PTPRS: variants seen among roughly 807,000 people sequenced by gnomAD.
The protein encoded by PTPRS is protein tyrosine phosphatase receptor type S, also known as receptor-type tyrosine-protein phosphatase S.
A neutral mutation model predicts 215.3 loss-of-function variants in PTPRS; 63 were observed. The ratio of observed to expected loss-of-function variants is 0.29; its 90% CI spans 0.24 to 0.36. PTPRS has a LOEUF of 0.36. PTPRS is among the 10% of genes least tolerant of loss of function. The pLI is 1.00. For missense variants in PTPRS, 2,258 were observed against 2,825.8 expected (o/e 0.80, Z 4.56); for synonymous variants, 1,404 against 1,191.4 (o/e 1.18, Z -3.68).
At position 5,210,776 on chromosome 19, in the gene PTPRS, C is replaced by A; in HGVS notation, c.5264G>T (p.Gly1755Val). Residue 1755 changes from glycine to valine, a missense_variant, in exon 34 of 38, where the codon GGG becomes GTG. By Grantham distance (109) the Gly-to-Val change is moderately radical (BLOSUM62 -3). Transcript: ENST00000262963. This position sits in a 1 kb window ranked among gnomAD's most constrained non-coding sequence, Gnocchi z 4.5. ...GTCTTCCGTGGTCTCCGCCAGCGGC[C>A]CCTGTGTCGCGATGTAGGCCTTCTG... ...RQQKAYIATQGPLAETTEDFW... is the reference protein window; with the variant it reads ...RQQKAYIATQVPLAETTEDFW... The A allele has an allele frequency of 1.2e-6, 2 of 1,614,058 alleles. No individual in the cohort carries two copies. The highest frequency in any genetic ancestry group is 1.7e-6 in the Non-Finnish European group (2 of 1,180,040).
Position 5,285,902 on chromosome 19 carries a change from A to G in PTPRS, c.91+148T>C. 3 of 631,610 alleles carry G rather than the reference A, an allele frequency of 4.7e-6. 1 individual carries two copies. In the South Asian group the frequency reaches 5.9e-5, roughly 12 times the overall value. The allele number at this position is 631,610 out of a possible 1,614,324, so 39.1% of individuals were successfully genotyped here. On this transcript the variant is annotated intron_variant, in intron 2 of 37. Coordinates refer to ENST00000262963, the MANE Select transcript of PTPRS (RefSeq NM_002850.4). ...GCTCAGCACACAGTCCTCAGCATTCAGCCTCATTTGTGGAGCATAAAAGTT... is the reference window on the plus strand; with the variant it reads ...GCTCAGCACACAGTCCTCAGCATTCGGCCTCATTTGTGGAGCATAAAAGTT...
Position 5,231,458 on chromosome 19 carries a change from C to T in PTPRS, c.2007G>A (p.Lys669=), listed in dbSNP as rs756988713. Reference sequence around the variant, plus strand: ...TGGTCGGGGGGATGCCGTTCACCTCCTTGGGTTCCGGGTCCTCTGAGCCCA... The same window carrying T: ...TGGTCGGGGGGATGCCGTTCACCTCTTTGGGTTCCGGGTCCTCTGAGCCCA... ...RPLGSEDPEP[K]EVNGIPPTTT... is the part of the protein sequence containing the mutation. The change falls in exon 14 of 38, where the codon AAG becomes AAA. Residue 669 remains lysine (K), a synonymous_variant. Coordinates refer to ENST00000262963, the MANE Select transcript of PTPRS (RefSeq NM_002850.4). 8 of 1,612,750 alleles carry T rather than the reference C, an allele frequency of 5.0e-6. No homozygotes were observed. The East Asian group carries it at 8.9e-5, about 18-fold the overall frequency.
Position 5,338,382 on chromosome 19 carries a change from G to C in PTPRS, c.-95+2282C>G, listed in dbSNP as rs1206311921. Among the ~76,000 whole-genome samples the C allele has an allele frequency of 6.6e-6, 1 of 151,918 alleles. No homozygotes were observed. The highest frequency in any genetic ancestry group is 2.4e-5 in the African/African-American group (1 of 41,318). ...CCTAGCCCCCATGCAGAAGTGCACC[G>C]TCATGATGAGGGTGTCCCCCGGGCC... On this transcript the variant is annotated intron_variant, in intron 1 of 37. Transcript: ENST00000262963. The surrounding 1 kb of genome is among the most constrained non-coding windows in gnomAD (Gnocchi z 4.2).
Position 5,295,256 on chromosome 19 carries a change from T to G in PTPRS, c.-94-9022A>C, listed in dbSNP as rs2049101410. On this transcript the variant is annotated intron_variant, in intron 1 of 37. Transcript: ENST00000262963. This position sits in a 1 kb window ranked among gnomAD's most constrained non-coding sequence, Gnocchi z 4.6. Reference sequence around the variant, plus strand: ...CACTGTCAGGAGGCTTGGGGCTGCATGACCTGCAGCATACAGGCCTGGCTC... The same window carrying G: ...CACTGTCAGGAGGCTTGGGGCTGCAGGACCTGCAGCATACAGGCCTGGCTC... 1.3e-5 allele frequency among the ~76,000 whole-genome samples: 2 copies of G among 152,224 alleles called. No homozygotes were observed. The highest frequency in any genetic ancestry group is 2.9e-5 in the Non-Finnish European group (2 of 68,036).
At chr19:5,270,920 C>T (rs11085120) in intron 4 of PTPRS, among the ~76,000 whole-genome samples, 64,100 of 152,096 alleles carry the variant, frequency 0.42, 13,806 homozygotes, top group East Asian at 0.68. Flanking sequence ...GCTGGGATTA[C>T]AGGCCAAAGC....
intron 9 of PTPRS, among the ~76,000 whole-genome samples, chr19:5,248,369 C>A (rs2044697436): frequency 6.6e-6 from 1 of 150,822 alleles, no homozygotes; most frequent in Admixed American, 6.6e-5. Flanking sequence ...AAACAAAACA[C>A]AACACCCAAA....
chr19:5,206,678 G>A lies in PTPRS; in HGVS notation c.*96C>T, dbSNP rs918228851. Reference sequence around the variant, plus strand: ...ACAGCTGCTGCCGCTGCCACCTCCTGCCCTGCCCACTGGGGGTCCAGGCCT... The same window carrying A: ...ACAGCTGCTGCCGCTGCCACCTCCTACCCTGCCCACTGGGGGTCCAGGCCT... On this transcript the variant is annotated 3_prime_UTR_variant, in exon 38 of 38. Transcript: ENST00000262963. The A allele has an allele frequency of 1.8e-6, 2 of 1,088,162 alleles. No individual in the cohort carries two copies. The highest frequency in any genetic ancestry group is 2.8e-6 in the Non-Finnish European group (2 of 717,038). The allele number at this position is 1,088,162 out of a possible 1,614,324, so 67.4% of individuals were successfully genotyped here.
At chr19:5,243,871 G>T (rs1284968515) in intron 11 of PTPRS, 30 bp downstream of exon 11, 2 of 1,449,824 alleles carry the variant, frequency 1.4e-6, no homozygotes, top group African/African-American at 1.4e-5. Flanking sequence ...CACGGCCGGG[G>T]CCCCGAGTCC....
chr19:5,226,764 CTG>C (rs1259979256), intron 16 of PTPRS, among the ~76,000 whole-genome samples: 1 of 150,572 alleles, frequency 6.6e-6, no homozygotes, highest in African/African-American at 2.5e-5. Context: ...AATAAATAAA[CTG>C]TATAAACTTA....
At chr19:5,301,710 C>T (rs2049309910) in intron 1 of PTPRS, among the ~76,000 whole-genome samples, 1 of 152,028 alleles carries the variant, frequency 6.6e-6, no homozygotes, top group Non-Finnish European at 1.5e-5. Context: ...CCCACCAGTC[C>T]CCAGGAAGGG....
Position 5,294,917 on chromosome 19 carries a change from G to C in PTPRS, c.-94-8683C>G, listed in dbSNP as rs1170603793. Among the ~76,000 whole-genome samples, 1 of 152,180 alleles carries C rather than the reference G, an allele frequency of 6.6e-6. No individual in the cohort carries two copies. Among genetic ancestry groups the C allele is most frequent in the African/African-American group, 2.4e-5 (1 of 41,434 alleles). ...TCCCACGCAGCCCCATCCTCGACGA[G>C]GTACACAGTAGGTGCTTCATGGAGG... On this transcript the variant is annotated intron_variant, in intron 1 of 37. Coordinates refer to ENST00000262963, the MANE Select transcript of PTPRS (RefSeq NM_002850.4). This position sits in a 1 kb window ranked among gnomAD's most constrained non-coding sequence, Gnocchi z 5.1.
intron 1 of PTPRS, among the ~76,000 whole-genome samples, chr19:5,292,171 C>T (rs1253716415): frequency 6.6e-6 from 1 of 152,184 alleles, no homozygotes; most frequent in African/African-American, 2.4e-5. Flanking sequence ...ACCCCAGGAA[C>T]GTGGCAAAGC....
chr19:5,240,184 C>A lies in PTPRS; in HGVS notation c.1704+15G>T, dbSNP rs2043907485. 3 of 1,508,158 alleles carry A rather than the reference C, an allele frequency of 2.0e-6. No individual in the cohort carries two copies. The highest frequency in any genetic ancestry group is 2.7e-6 in the Non-Finnish European group (3 of 1,126,058). 93.4% of individuals were successfully genotyped at this position (1,508,158 alleles called of 1,614,324 possible). ...GGAGCCCAGGGCAGGCCAGCCCGTC[C>A]CCGCGCTGCCTCACCTCCCGGCCAT... On this transcript the variant is annotated intron_variant, in intron 12 of 37. Transcript: ENST00000262963.
chr19:5,313,459 C>T (rs748863711), intron 1 of PTPRS, among the ~76,000 whole-genome samples: 4 of 152,166 alleles, frequency 2.6e-5, no homozygotes, highest in African/African-American at 4.8e-5. Flanking sequence ...TGCTGGGGAG[C>T]GAGGCGGCTG....
chr19:5,214,844 C>T, intron 28 of PTPRS, 108 bp from the exon 29 acceptor site: 3 of 1,147,602 alleles, frequency 2.6e-6, no homozygotes, highest in Non-Finnish European at 3.6e-6. Flanking sequence ...CCAGATTGTC[C>T]CCAAGGTGAC....
intron 2 of PTPRS, among the ~76,000 whole-genome samples, chr19:5,280,490 G>A (rs566714544): frequency 5.7e-4 from 86 of 151,838 alleles, no homozygotes; most frequent in African/African-American, 1.8e-3. Flanking sequence ...AGGCTGAGGC[G>A]GATGGATTAC....
chr19:5,286,212 C>T lies in PTPRS; in HGVS notation c.-72G>A, dbSNP rs2048338030. On this transcript the variant is annotated 5_prime_UTR_variant, in exon 2 of 38. Coordinates refer to ENST00000262963, the MANE Select transcript of PTPRS (RefSeq NM_002850.4). The stretch of plus-strand genomic sequence containing the variant: ...CGGTCCCTCACAGAGAGGCCTCGAG[C>T]CGAGCGTCAGATGGGGCAACGTCTG... The T allele has an allele frequency of 6.4e-7, 1 of 1,550,584 alleles. No homozygotes were observed. Among genetic ancestry groups the T allele is most frequent in the Non-Finnish European group, 8.8e-7 (1 of 1,138,552 alleles).
chr19:5,230,066 C>T (rs2042892257), intron 14 of PTPRS, among the ~76,000 whole-genome samples: 1 of 152,198 alleles, frequency 6.6e-6, no homozygotes, highest in South Asian at 2.1e-4. Flanking sequence ...TCTGTGATCA[C>T]AGCCTTAGCA....
intron 1 of PTPRS, among the ~76,000 whole-genome samples, chr19:5,336,818 G>A (rs1288152413): frequency 2.0e-5 from 3 of 151,576 alleles, no homozygotes; most frequent in Non-Finnish European, 4.4e-5. Flanking sequence ...GTGGGGGGGA[G>A]GGTCTCTCTT....
Sources: gnomAD v4.1 joint callset for allele counts (sites outside exome capture counted in the v4.1 genomes callset) on GRCh38, gnomAD v4.1.1 for gene constraint, Gnocchi (gnomAD v3.1) non-coding constraint, MANE v1.5 for transcripts, NCBI Gene and HGNC (gene_info 2026-07-23, HGNC 2026-07-21) for gene names.